Variants in NEDD4L observed in about 807,000 individuals in gnomAD.
NEDD4L encodes the protein NEDD4 like E3 ubiquitin protein ligase.
In NEDD4L, 54 loss-of-function variants were observed where a neutral mutation model predicts 148.9. That is an observed-to-expected ratio of 0.36 (90% CI 0.29 to 0.45). The LOEUF is 0.45. Among genes scored for constraint, NEDD4L ranks in the 20% least tolerant of loss-of-function variants. The pLI, the probability that NEDD4L is intolerant of heterozygous loss-of-function variation, is 1.00. For synonymous variants in NEDD4L, 433 were observed against 440.7 expected, an observed-to-expected ratio of 0.98 and a Z score of 0.22; for missense variants, 856 against 1,233.8, an observed-to-expected ratio of 0.69 and a Z score of 4.59.
At chr18:58,342,812 C>A in intron 15 of NEDD4L, 94 bp from the exon 16 acceptor site, 1 of 966,474 alleles carries the variant, frequency 1.0e-6, no homozygotes, top group Non-Finnish European at 1.4e-6. Flanking sequence ...TCTTGTCCAT[C>A]TCCAAAGAGA....
Position 58,291,507 on chromosome 18 carries a change from C to A in NEDD4L, c.298-24475C>A, listed in dbSNP as rs184492699. The stretch of plus-strand genomic sequence containing the variant: ...TTTTAAATGGACTGATTCCATTTGT[C>A]TAATTCTGTGTCAGTTGGCTGTTTT... On this transcript the variant is annotated intron_variant, in intron 5 of 30. Coordinates refer to ENST00000400345, the MANE Select transcript of NEDD4L (RefSeq NM_001144967.3). Among the ~76,000 whole-genome samples the A allele has an allele frequency of 9.8e-4, 149 of 152,320 alleles. 1 individual carries two copies. The highest frequency in any genetic ancestry group is 1.6e-3 in the Non-Finnish European group (111 of 68,020).
At chr18:58,066,979 C>G (rs1280381376) in intron 1 of NEDD4L, among the ~76,000 whole-genome samples, 1 of 152,132 alleles carries the variant, frequency 6.6e-6, no homozygotes, top group Non-Finnish European at 1.5e-5. Flanking sequence ...CAAATCTAAA[C>G]CATATAACCC....
intron 2 of NEDD4L, chr18:58,221,438 G>A (rs959914137): frequency 4.6e-6 from 2 of 431,702 alleles, no homozygotes; most frequent in Admixed American, 6.4e-5. Flanking sequence ...TTGCTGAGCT[G>A]GGTGGAGCTA....
At chr18:58,247,107 A>AT (rs751885308) in intron 3 of NEDD4L, among the ~76,000 whole-genome samples, 28 of 152,136 alleles carry the variant, frequency 1.8e-4, no homozygotes, top group Non-Finnish European at 3.5e-4. Flanking sequence ...GGTTACTATG[A>AT]TTTTTTTCCT....
At chr18:58,214,112 A>G (rs1021061340) in intron 2 of NEDD4L, among the ~76,000 whole-genome samples, 1 of 152,212 alleles carries the variant, frequency 6.6e-6, no homozygotes, top group African/African-American at 2.4e-5. Context: ...ATGAAGTGCA[A>G]GGTAGCAGTG....
chr18:58,174,307 ATTG>A (rs1377501400), intron 2 of NEDD4L, among the ~76,000 whole-genome samples: 1 of 151,968 alleles, frequency 6.6e-6, no homozygotes, highest in Non-Finnish European at 1.5e-5. Flanking sequence ...ATTAAAAGGC[ATTG>A]TTCAGAAAGA....
intron 5 of NEDD4L, among the ~76,000 whole-genome samples, chr18:58,265,598 T>G (rs993857800): frequency 5.9e-5 from 9 of 152,076 alleles, no homozygotes; most frequent in Non-Finnish European, 1.3e-4. Flanking sequence ...AGGGTCTTGC[T>G]CTGTTGCCCA....
At position 58,129,750 on chromosome 18, in the gene NEDD4L, G is replaced by A. The variant is rs144460145; in HGVS notation, c.49-36038G>A. Among the ~76,000 whole-genome samples the A allele has an allele frequency of 1.2e-3, 179 of 151,916 alleles. 4 individuals carry two copies. The East Asian group carries it at 0.033, about 28-fold the overall frequency. Reference sequence around the variant, plus strand: ...TGCGATCCAGCAGAACTGTGGCGGTGTTGGGCTCTGTTGGGGTTTGGTTGT... The same window carrying A: ...TGCGATCCAGCAGAACTGTGGCGGTATTGGGCTCTGTTGGGGTTTGGTTGT... On this transcript the variant is annotated intron_variant, in intron 1 of 30. Transcript: ENST00000400345.
At chr18:58,108,051 T>A (rs994938018) in intron 1 of NEDD4L, among the ~76,000 whole-genome samples, 1 of 152,160 alleles carries the variant, frequency 6.6e-6, no homozygotes, top group Non-Finnish European at 1.5e-5. Context: ...GAGAGGAGGA[T>A]CCTCAGAATA....
At chr18:58,241,098 C>T (rs2046583148) in intron 2 of NEDD4L, among the ~76,000 whole-genome samples, 1 of 152,218 alleles carries the variant, frequency 6.6e-6, no homozygotes, top group Non-Finnish European at 1.5e-5. Context: ...GCGCCTGCCT[C>T]CACACCCAGC....
At chr18:58,161,086 G>A (rs1353781451) in intron 1 of NEDD4L, among the ~76,000 whole-genome samples, 2 of 151,808 alleles carry the variant, frequency 1.3e-5, no homozygotes, top group Non-Finnish European at 2.9e-5. Flanking sequence ...GTGCGATCCC[G>A]GCTCACTGCA....
At chr18:58,200,847 T>G (rs2041312705) in intron 2 of NEDD4L, among the ~76,000 whole-genome samples, 1 of 152,222 alleles carries the variant, frequency 6.6e-6, no homozygotes, top group African/African-American at 2.4e-5. Flanking sequence ...TTGAATACAG[T>G]GAGGTCTGTA....
At chr18:58,044,795 G>C in intron 1 of NEDD4L, 87 bp downstream of exon 1, 1 of 1,512,406 alleles carries the variant, frequency 6.6e-7, no homozygotes, top group Non-Finnish European at 8.9e-7. Flanking sequence ...CCGTCCCCGG[G>C]GTGCTCGTGC....
intron 2 of NEDD4L, among the ~76,000 whole-genome samples, chr18:58,233,055 G>C (rs984460414): frequency 1.4e-4 from 21 of 152,200 alleles, no homozygotes; most frequent in Admixed American, 1.0e-3. Context: ...AAATTGATTT[G>C]AGAGCAAAAC....
intron 1 of NEDD4L, among the ~76,000 whole-genome samples, chr18:58,089,257 C>T: frequency 6.6e-6 from 1 of 151,384 alleles, no homozygotes; most frequent in Non-Finnish European, 1.5e-5. Flanking sequence ...CCTCAGCCTC[C>T]CGAGTAGGTG....
intron 1 of NEDD4L, among the ~76,000 whole-genome samples, chr18:58,144,224 G>A (rs1420893537): frequency 7.2e-5 from 11 of 152,030 alleles, no homozygotes; most frequent in Non-Finnish European, 1.6e-4. Context: ...TTGGTTCTTG[G>A]CTCTGCACGC....
chr18:58,269,166 A>G (rs1460195457), intron 5 of NEDD4L, among the ~76,000 whole-genome samples: 1 of 152,022 alleles, frequency 6.6e-6, no homozygotes, highest in Admixed American at 6.6e-5. Flanking sequence ...ACTTGCCCAA[A>G]GTGGGGGAAG....
intron 1 of NEDD4L, among the ~76,000 whole-genome samples, chr18:58,108,645 T>C (rs777323084): frequency 1.3e-5 from 2 of 152,206 alleles, no homozygotes; most frequent in Non-Finnish European, 2.9e-5. Context: ...GGTCTCAAAC[T>C]CCTGAGCTCA....
In NEDD4L at chr18:58,345,947, CAG is replaced by C. The variant is rs775227870; in HGVS notation, c.1575+2845_1575+2846del. ...TGTTTTTTGTTTTTTTTAGCACAGA[CAG>C]GGTTTCACCATGTTGGCTAGGCTGG... On this transcript the variant is annotated intron_variant, in intron 16 of 30. Transcript: ENST00000400345. Among the ~76,000 whole-genome samples, 35 of 145,706 alleles carry C rather than the reference CAG, an allele frequency of 2.4e-4. No individual in the cohort carries two copies. The South Asian group carries it at 7.2e-3, about 30-fold the overall frequency.
Sources: allele counts gnomAD v4.1 joint callset (sites outside exome capture counted in the v4.1 genomes callset), GRCh38; gene constraint gnomAD v4.1.1; transcripts MANE v1.5; gene names NCBI Gene and HGNC (gene_info 2026-07-23, HGNC 2026-07-21).